ASIC2: variants seen among roughly 807,000 people sequenced by gnomAD.
The protein encoded by ASIC2 is acid-sensing ion channel 2.
A neutral mutation model predicts 57.3 loss-of-function variants in ASIC2; 25 were observed. The observed-to-expected ratio is 0.44, with a 90% confidence interval of 0.32 to 0.61. ASIC2 has a LOEUF of 0.61. ASIC2 is among the 20% of genes least tolerant of loss of function. ASIC2 has a pLI of 0.06. For synonymous variants in ASIC2, 319 were observed against 307.5 expected, an observed-to-expected ratio of 1.04 and a Z score of -0.39; for missense variants, 641 against 738.1, an observed-to-expected ratio of 0.87 and a Z score of 1.52.
intron 1 of ASIC2, among the ~76,000 whole-genome samples, chr17:33,361,912 TCTC>T (rs1280451885): frequency 1.3e-5 from 2 of 152,248 alleles, no homozygotes; most frequent in African/African-American, 4.8e-5. Context: ...ACTTGATTCT[TCTC>T]TCCTCCTTGA....
intron 1 of ASIC2, among the ~76,000 whole-genome samples, chr17:33,858,937 C>T (rs758059877): frequency 3.9e-5 from 6 of 152,322 alleles, no homozygotes; most frequent in Middle Eastern, 3.4e-3. Flanking sequence ...TCAGAAATTC[C>T]TCAAGGTCCC....
At chr17:33,630,410 T>C (rs1432877058) in intron 1 of ASIC2, among the ~76,000 whole-genome samples, 1 of 152,136 alleles carries the variant, frequency 6.6e-6, no homozygotes, top group African/African-American at 2.4e-5. Flanking sequence ...GCCAACTCCA[T>C]AAAGCCTTTC....
intron 1 of ASIC2, among the ~76,000 whole-genome samples, chr17:33,477,778 T>C (rs1913278437): frequency 6.6e-6 from 1 of 152,152 alleles, no homozygotes. Context: ...AGGGTAGGCT[T>C]CCTGCTGGAA....
At chr17:33,704,136 C>G (rs773468459) in intron 1 of ASIC2, among the ~76,000 whole-genome samples, 1 of 152,102 alleles carries the variant, frequency 6.6e-6, no homozygotes, top group African/African-American at 2.4e-5. Context: ...CCACGGTGAC[C>G]ATACAGTCAA....
rs539701613 is a variant in ASIC2, at chr17:33,476,476, A to G, written c.556-364409T>C. On this transcript the variant is annotated intron_variant, in intron 1 of 9. Coordinates refer to the ASIC2 transcript ENST00000359872. ...TTTAAAAAAATCCTTCAACTCATAT[A>G]GAAAACCTTTTGCAAAGTGTGTGTG... Among the ~76,000 whole-genome samples, 14 of 151,088 alleles carry G rather than the reference A, an allele frequency of 9.3e-5. No individual in the cohort carries two copies. The South Asian group carries it at 2.9e-3, about 32-fold the overall frequency.
intron 1 of ASIC2, among the ~76,000 whole-genome samples, chr17:34,012,646 G>A (rs1356707919): frequency 1.3e-5 from 2 of 152,102 alleles, no homozygotes; most frequent in Non-Finnish European, 2.9e-5. Context: ...TAACCCTCAT[G>A]CGGCCCAATA....
At chr17:33,922,953 C>T (rs1389726395) in intron 1 of ASIC2, among the ~76,000 whole-genome samples, 3 of 152,154 alleles carry the variant, frequency 2.0e-5, no homozygotes, top group Middle Eastern at 3.2e-3. Context: ...TCCTCTAGAG[C>T]GCATTTGCTC....
intron 1 of ASIC2, among the ~76,000 whole-genome samples, chr17:33,411,328 G>T (rs1288178988): frequency 6.6e-6 from 1 of 151,870 alleles, no homozygotes; most frequent in Non-Finnish European, 1.5e-5. Flanking sequence ...CTTTGAGATG[G>T]TTAAAAAAAA....
chr17:34,066,021 T>C (rs1909161585), intron 1 of ASIC2, among the ~76,000 whole-genome samples: 1 of 152,158 alleles, frequency 6.6e-6, no homozygotes, highest in Non-Finnish European at 1.5e-5. Flanking sequence ...GGTTAAGTAC[T>C]ATTTTTCCCA....
At chr17:34,079,137 T>C (rs1362910421) in intron 1 of ASIC2, 1 of 152,234 alleles carries the variant, frequency 6.6e-6, no homozygotes, top group Non-Finnish European at 1.5e-5. Context: ...GTGATACTTC[T>C]AAAATGCAAT....
At chr17:33,144,656 A>C (rs749299510) in intron 1 of ASIC2, among the ~76,000 whole-genome samples, 15 of 152,146 alleles carry the variant, frequency 9.9e-5, no homozygotes, top group Admixed American at 9.8e-4. Context: ...GCATAATTCC[A>C]AGGTGGAAAA....
At chr17:33,932,511 C>T (rs371802573) in intron 1 of ASIC2, 1 of 151,052 alleles carries the variant, frequency 6.6e-6, no homozygotes, top group Non-Finnish European at 1.5e-5. Context: ...GTTGGGAGTT[C>T]GAGACCACCC....
intron 1 of ASIC2, chr17:34,118,881 A>G (rs936408073): frequency 3.3e-5 from 5 of 152,306 alleles, no homozygotes; most frequent in Admixed American, 1.3e-4. Flanking sequence ...TTGAGCATGG[A>G]TAAGAATCAG....
At chr17:34,047,828 G>C (rs1483368789) in intron 1 of ASIC2, among the ~76,000 whole-genome samples, 2 of 152,124 alleles carry the variant, frequency 1.3e-5, no homozygotes, top group Non-Finnish European at 2.9e-5. Flanking sequence ...AGGAACTGAA[G>C]ATAAACTTGT....
chr17:33,241,793 T>C (rs1191656933), intron 1 of ASIC2, among the ~76,000 whole-genome samples: 2 of 152,166 alleles, frequency 1.3e-5, no homozygotes, highest in African/African-American at 2.4e-5. Context: ...GCCCCTGTCC[T>C]CCTGGGCTTC....
At chr17:33,937,329 C>G (rs1283356471) in intron 1 of ASIC2, among the ~76,000 whole-genome samples, 1 of 152,094 alleles carries the variant, frequency 6.6e-6, no homozygotes, top group Admixed American at 6.5e-5. Flanking sequence ...CCCAAACTGA[C>G]CTCACGTGAT....
chr17:33,863,880 T>G (rs1463884800), intron 1 of ASIC2, among the ~76,000 whole-genome samples: 2 of 150,840 alleles, frequency 1.3e-5, no homozygotes, highest in Non-Finnish European at 2.9e-5. Context: ...ACTTTTACAT[T>G]TACAGTTACC....
At chr17:34,075,390 G>A (rs565708246) in intron 1 of ASIC2, among the ~76,000 whole-genome samples, 3 of 152,144 alleles carry the variant, frequency 2.0e-5, no homozygotes, top group Admixed American at 6.5e-5. Flanking sequence ...GGCCCTTTCC[G>A]AGACACAGTT....
intron 1 of ASIC2, among the ~76,000 whole-genome samples, chr17:34,099,659 GGAAGGAAA>G (rs1289473669): frequency 7.6e-6 from 1 of 131,688 alleles, no homozygotes; most frequent in African/African-American, 3.0e-5. Context: ...GAGGAAGGAA[GGAAGGAAA>G]GAAAGAAAGA....
Sources: allele counts gnomAD v4.1 joint callset (sites outside exome capture counted in the v4.1 genomes callset), GRCh38; gene constraint gnomAD v4.1.1; transcripts MANE v1.5; gene names NCBI Gene and HGNC (gene_info 2026-07-23, HGNC 2026-07-21).